The following DGKD variants were observed in gnomAD, a reference collection of about 807,000 sequenced individuals.
The protein encoded by DGKD is diacylglycerol kinase delta, also known as DAG kinase delta.
DGKD carries 68 observed loss-of-function variants against 154.4 expected under a neutral mutation model. The ratio of observed to expected loss-of-function variants is 0.44; its 90% CI spans 0.36 to 0.54. The LOEUF is 0.54. Among genes scored for constraint, DGKD ranks in the 20% least tolerant of loss-of-function variants. The pLI, the probability that DGKD is intolerant of heterozygous loss-of-function variation, is 0.00. For missense variants in DGKD, 1,343 were observed against 1,593.6 expected (o/e 0.84, Z 2.68); for synonymous variants, 693 against 638.0 (o/e 1.09, Z -1.30).
chr2:233,468,826 T>C (rs2063911639), intron 29 of DGKD, among the ~76,000 whole-genome samples: 1 of 152,202 alleles, frequency 6.6e-6, no homozygotes, highest in South Asian at 2.1e-4. Flanking sequence ...TTAAAAACAC[T>C]ATGAGGGGAC....
At chr2:233,387,400 G>C (rs1217070591) in intron 1 of DGKD, among the ~76,000 whole-genome samples, 1 of 152,162 alleles carries the variant, frequency 6.6e-6, no homozygotes, top group Non-Finnish European at 1.5e-5. Context: ...AACGCCGAGA[G>C]CCAGGTTCTT....
chr2:233,449,493 C>G lies in DGKD; in HGVS notation c.1888+117C>G. 7.3e-7 allele frequency: 1 copy of G among 1,375,262 alleles called. No individual in the cohort carries two copies. The highest frequency in any genetic ancestry group is 2.5e-5 in the East Asian group (1 of 39,634). 85.2% of individuals were successfully genotyped at this position (1,375,262 alleles called of 1,614,324 possible). ...TGTTGAGAAAACCTCCACTGCGGCCCTCTCCACCCATGTCCAGGCACCAGA... is the reference window on the plus strand; with the variant it reads ...TGTTGAGAAAACCTCCACTGCGGCCGTCTCCACCCATGTCCAGGCACCAGA... On this transcript the variant is annotated intron_variant, in intron 15 of 29. Coordinates refer to ENST00000264057, the MANE Select transcript of DGKD (RefSeq NM_152879.3). This position sits in a 1 kb window ranked among gnomAD's most constrained non-coding sequence, Gnocchi z 5.3.
At chr2:233,401,629 T>C (rs541540161) in intron 3 of DGKD, among the ~76,000 whole-genome samples, 2 of 152,146 alleles carry the variant, frequency 1.3e-5, no homozygotes, top group Non-Finnish European at 2.9e-5. Context: ...TTAAAAGCGC[T>C]GTGAACTAAG....
chr2:233,440,318 G>T lies in DGKD; in HGVS notation c.1086-1569G>T, dbSNP rs557722402. Among the ~76,000 whole-genome samples the T allele has an allele frequency of 1.5e-4, 23 of 152,266 alleles. No homozygotes were observed. The East Asian group carries it at 4.3e-3, about 28-fold the overall frequency. On this transcript the variant is annotated intron_variant, in intron 9 of 29. Transcript: ENST00000264057. The surrounding 1 kb of genome is among the most constrained non-coding windows in gnomAD (Gnocchi z 4.9). Reference sequence around the variant, plus strand: ...GTGTTCTGTGTGGAGCCTGGGCTTGGTGCCGCATCACCTATGCCTGTCTGT... The same window carrying T: ...GTGTTCTGTGTGGAGCCTGGGCTTGTTGCCGCATCACCTATGCCTGTCTGT...
chr2:233,434,238 C>A, intron 3 of DGKD, 142 bp from the exon 4 acceptor site: 1 of 608,734 alleles, frequency 1.6e-6, no homozygotes, highest in Non-Finnish European at 2.9e-6. Context: ...CCTTGATAAC[C>A]ATTTTTGTTT....
rs3835771 is a variant in DGKD, at chr2:233,438,755, C to CATCTATCTATCT, written c.1085+425_1085+436dup. Among the ~76,000 whole-genome samples the CATCTATCTATCT allele has an allele frequency of 1.5e-3, 195 of 132,360 alleles. No homozygotes were observed. The highest frequency in any genetic ancestry group is 7.0e-3 in the Middle Eastern group (2 of 284). The allele number at this position is 132,360 out of a possible 152,430, so 86.8% of individuals were successfully genotyped here. ...ATTTTTTATTTATCTGTCTATCTATCATCTATCTATCTATCTATCTATCTA... is the reference window on the plus strand; with the variant it reads ...ATTTTTTATTTATCTGTCTATCTATCATCTATCTATCTATCTATCTATCTATCTATCTATCTA... On this transcript the variant is annotated intron_variant, in intron 9 of 29. Transcript: ENST00000264057. This position sits in a 1 kb window ranked among gnomAD's most constrained non-coding sequence, Gnocchi z 4.1.
chr2:233,384,501 A>G (rs1330253136), intron 1 of DGKD, among the ~76,000 whole-genome samples: 2 of 152,004 alleles, frequency 1.3e-5, no homozygotes, highest in Non-Finnish European at 2.9e-5. Flanking sequence ...GTCGCCTTAC[A>G]CTGAACTCCC....
intron 1 of DGKD, among the ~76,000 whole-genome samples, chr2:233,380,662 ATG>A (rs369040167): frequency 2.4e-3 from 359 of 150,230 alleles, no homozygotes; most frequent in African/African-American, 7.4e-3. Context: ...AGCAGTGAGG[ATG>A]TGTGTGTGTG....
rs1345342906 is a variant in DGKD, at chr2:233,441,703, C to G, written c.1086-184C>G. 6.6e-6 allele frequency among the ~76,000 whole-genome samples: 1 copy of G among 152,022 alleles called. No individual in the cohort carries two copies. Among genetic ancestry groups the G allele is most frequent in the Admixed American group, 6.5e-5 (1 of 15,284 alleles). On this transcript the variant is annotated intron_variant, in intron 9 of 29. Transcript: ENST00000264057. This position sits in a 1 kb window ranked among gnomAD's most constrained non-coding sequence, Gnocchi z 5.6. ...GGCTGGACCCCAGTGCTGCTGTCGTCCCTTTGACAAAGTGGACCCTGAGTG... is the reference window on the plus strand; with the variant it reads ...GGCTGGACCCCAGTGCTGCTGTCGTGCCTTTGACAAAGTGGACCCTGAGTG...
rs60349589 is a variant in DGKD, at chr2:233,457,569, G to A, written c.2580+241G>A. The A allele has an allele frequency of 3.1e-3, 1,970 of 629,552 alleles. 33 individuals are homozygous for A. The highest frequency in any genetic ancestry group is 0.031 in the African/African-American group (1,714 of 55,642). 39.0% of individuals were successfully genotyped at this position (629,552 alleles called of 1,614,324 possible). A position where few individuals can be genotyped will look rare whatever the true frequency, so the allele number is the denominator to read the frequency against. On this transcript the variant is annotated intron_variant, in intron 21 of 29. Coordinates refer to ENST00000264057, the MANE Select transcript of DGKD (RefSeq NM_152879.3). The surrounding 1 kb of genome is among the most constrained non-coding windows in gnomAD (Gnocchi z 5.5). ...TCTGTGGTCAGCAGATGTGGTCAGCGGGTGTGACGTGGAAGGAGGGTCAGG... is the reference window on the plus strand; with the variant it reads ...TCTGTGGTCAGCAGATGTGGTCAGCAGGTGTGACGTGGAAGGAGGGTCAGG...
chr2:233,380,177 C>G (rs1444337334), intron 1 of DGKD, among the ~76,000 whole-genome samples: 1 of 152,180 alleles, frequency 6.6e-6, no homozygotes. Flanking sequence ...AGTTGAGCAC[C>G]TGCTACTTCT....
In DGKD at chr2:233,464,198, G is replaced by A; in HGVS notation, c.3221G>A (p.Ser1074Asn). 1 of 1,613,662 alleles carries A rather than the reference G, an allele frequency of 6.2e-7. No homozygotes were observed. Among genetic ancestry groups the A allele is most frequent in the Non-Finnish European group, 8.5e-7 (1 of 1,180,048 alleles). ...CCGCCTCAGAAGGAGCAGCTGGGGA[G>A]TGCTCTTGCCGAGATGGACCGACAG... ...LDPPQKEQLGSALAEMDRQLR... is the reference protein window; with the variant it reads ...LDPPQKEQLGNALAEMDRQLR... Residue 1074 changes from serine to asparagine, a missense_variant, in exon 27 of 30, where the codon AGT (serine) becomes AAT (asparagine). Transcript: ENST00000264057.
At chr2:233,428,071 C>T (rs1430775107) in intron 3 of DGKD, among the ~76,000 whole-genome samples, 1 of 152,170 alleles carries the variant, frequency 6.6e-6, no homozygotes, top group Non-Finnish European at 1.5e-5. Context: ...AGAGACTCAC[C>T]CTCCCCTACC....
At chr2:233,403,109 C>T (rs377092094) in intron 3 of DGKD, among the ~76,000 whole-genome samples, 1 of 152,024 alleles carries the variant, frequency 6.6e-6, no homozygotes, top group Non-Finnish European at 1.5e-5. Flanking sequence ...GTCAGGGAGT[C>T]GGGGACATCC....
rs1021392093 is a variant in DGKD, at chr2:233,452,197, C to T, written c.2264+137C>T. ...TAGCTGATAAGGAAGGCTGAGAAGTCGTGGAGATTCCACTTAAGGAGTGGA... is the reference window on the plus strand; with the variant it reads ...TAGCTGATAAGGAAGGCTGAGAAGTTGTGGAGATTCCACTTAAGGAGTGGA... On this transcript the variant is annotated intron_variant, in intron 18 of 29. Transcript: ENST00000264057. The surrounding 1 kb of genome is among the most constrained non-coding windows in gnomAD (Gnocchi z 4.0). 3.1e-5 allele frequency: 25 copies of T among 797,172 alleles called. No individual in the cohort carries two copies. Among genetic ancestry groups the T allele is most frequent in the Middle Eastern group, 3.0e-4 (1 of 3,284 alleles). The allele number at this position is 797,172 out of a possible 1,614,324, so 49.4% of individuals were successfully genotyped here.
rs2061911630 is a variant in DGKD at position 233,414,597 on chromosome 2, T to C, written c.349-19783T>C. On this transcript the variant is annotated intron_variant, in intron 3 of 29. Transcript: ENST00000264057. Reference sequence around the variant, plus strand: ...CATTACAATGTGATGACTGTGACACTTGGAAGAGAAATGTCTCAGGTATCG... The same window carrying C: ...CATTACAATGTGATGACTGTGACACCTGGAAGAGAAATGTCTCAGGTATCG... Among the ~76,000 whole-genome samples the C allele has an allele frequency of 2.0e-5, 3 of 152,142 alleles. No homozygotes were observed. In the South Asian group the frequency reaches 6.2e-4, roughly 32 times the overall value.
intron 1 of DGKD, among the ~76,000 whole-genome samples, chr2:233,368,551 G>A (rs1445996458): frequency 6.6e-6 from 1 of 152,088 alleles, no homozygotes; most frequent in Non-Finnish European, 1.5e-5. Context: ...CTTCAACCGA[G>A]TTAAGGACCA....
At chr2:233,424,750 G>A (rs563832290) in intron 3 of DGKD, among the ~76,000 whole-genome samples, 2 of 152,212 alleles carry the variant, frequency 1.3e-5, no homozygotes, top group East Asian at 1.9e-4. Context: ...AGCCGGGTTC[G>A]TCAGGTTGTG....
At chr2:233,450,852 C>T in intron 16 of DGKD, 70 bp from the exon 17 acceptor site, 1 of 1,548,520 alleles carries the variant, frequency 6.5e-7, no homozygotes, top group Non-Finnish European at 8.8e-7. Flanking sequence ...GCTCGTGTCG[C>T]TAAGGACCCC....
Sources: allele counts gnomAD v4.1 joint callset (sites outside exome capture counted in the v4.1 genomes callset), GRCh38; gene constraint gnomAD v4.1.1; non-coding constraint Gnocchi (gnomAD v3.1); transcripts MANE v1.5; gene names NCBI Gene and HGNC (gene_info 2026-07-23, HGNC 2026-07-21).